PRKD2: variants seen among roughly 807,000 people sequenced by gnomAD.
The protein encoded by PRKD2 is protein kinase D2, also known as serine/threonine-protein kinase D2.
A neutral mutation model predicts 86.0 loss-of-function variants in PRKD2; 22 were observed. The ratio of observed to expected loss-of-function variants is 0.26; its 90% CI spans 0.18 to 0.37. PRKD2 has a LOEUF of 0.37. Among genes scored for constraint, PRKD2 ranks in the 10% least tolerant of loss-of-function variants. The pLI, the probability that PRKD2 is intolerant of heterozygous loss-of-function variation, is 1.00. For synonymous variants in PRKD2, 509 were observed against 510.9 expected, an observed-to-expected ratio of 1.00 and a Z score of 0.05; for missense variants, 818 against 1,199.2, an observed-to-expected ratio of 0.68 and a Z score of 4.70.
chr19:46,678,485 G>A lies in PRKD2; in HGVS notation c.2249C>T (p.Pro750Leu). The A allele has an allele frequency of 6.2e-7, 1 of 1,614,248 alleles. No individual in the cohort carries two copies. Among genetic ancestry groups the A allele is most frequent in the Non-Finnish European group, 8.5e-7 (1 of 1,180,046 alleles). ...ATTGATGTCCTCATCCTCGTTGAAA[G>A]GGAAGGTGCCGCTGAGGCTGACGTA... ...IMYVSLSGTF[P>L]FNEDEDINDQ... Residue 750 changes from proline to leucine, a missense_variant, in exon 16 of 18, where the codon CCT becomes CTT. This residue lies in a region of PRKD2 where 154 missense variants were observed against 359.6 expected (regional missense o/e 0.43). Transcript: ENST00000291281. The surrounding 1 kb of genome is among the most constrained non-coding windows in gnomAD (Gnocchi z 5.7).
chr19:46,714,430 G>T, intron 1 of PRKD2: 1 of 461,330 alleles, frequency 2.2e-6, no homozygotes, highest in Non-Finnish European at 2.9e-6. Flanking sequence ...GCCCAGCACT[G>T]GGGTGGGGCG....
intron 3 of PRKD2, 68 bp downstream of exon 3, chr19:46,710,839 G>T: frequency 6.8e-7 from 1 of 1,467,208 alleles, no homozygotes; most frequent in Non-Finnish European, 9.1e-7. Context: ...CCCGTGCCAG[G>T]ACCATTACGC....
At chr19:46,692,030 G>C (rs1180836298) in intron 10 of PRKD2, 45 bp from the exon 11 acceptor site, 1 of 1,579,934 alleles carries the variant, frequency 6.3e-7, no homozygotes, top group Admixed American at 1.7e-5. Context: ...CCAGGCTCAG[G>C]ATTATCTCCA....
In PRKD2 at chr19:46,716,318, C is replaced by G; in HGVS notation, c.53G>C (p.Gly18Ala). Residue 18 changes from glycine to alanine, a missense_variant, in exon 1 of 18, where the codon GGG (glycine) becomes GCG (alanine). Physicochemically the swap from Gly to Ala is moderately conservative, Grantham distance 60. Around this residue, in one of 5 missense-constraint regions of PRKD2, gnomAD observed 403 missense variants for 518.6 expected, o/e 0.78. Transcript: ENST00000291281. The surrounding 1 kb of genome is among the most constrained non-coding windows in gnomAD (Gnocchi z 7.9). The stretch of plus-strand genomic sequence containing the variant: ...TAGGCCGCCGGGGGGCGGAGGAGAC[C>G]CCGGCCCGGGAGAGCCAGGGAGCCC... Reference protein sequence around the residue: ...PAGLPGSPGPGSPPPPGGLEL... With the variant: ...PAGLPGSPGPASPPPPGGLEL... 1 of 1,504,550 alleles carries G rather than the reference C, an allele frequency of 6.6e-7. No homozygotes were observed. The highest frequency in any genetic ancestry group is 8.9e-7 in the Non-Finnish European group (1 of 1,128,894). The allele number at this position is 1,504,550 out of a possible 1,614,324, so 93.2% of individuals were successfully genotyped here.
rs750316895 is a variant in PRKD2 at position 46,678,374 on chromosome 19, G to A, written c.2338+22C>T. Reference sequence around the variant, plus strand: ...CCCACCCCACAACCCACCCGCCCATGGGGTAGGCGGGCCCCAGGCACCTCC... The same window carrying A: ...CCCACCCCACAACCCACCCGCCCATAGGGTAGGCGGGCCCCAGGCACCTCC... On this transcript the variant is annotated intron_variant, in intron 16 of 17. Transcript: ENST00000291281. The surrounding 1 kb of genome is among the most constrained non-coding windows in gnomAD (Gnocchi z 5.7). The A allele has an allele frequency of 6.2e-7, 1 of 1,612,696 alleles. No individual in the cohort carries two copies. The highest frequency in any genetic ancestry group is 1.1e-5 in the South Asian group (1 of 90,894).
In PRKD2 at chr19:46,709,828, A is replaced by C. The variant is rs115806858; in HGVS notation, c.511+1079T>G. On this transcript the variant is annotated intron_variant, in intron 3 of 17. Coordinates refer to ENST00000291281, the MANE Select transcript of PRKD2 (RefSeq NM_016457.5). Reference sequence around the variant, plus strand: ...AATTCCACCTGTGGACATCAGCTTCAGCTTGTGCCTGAGTTCCCACTTGCC... The same window carrying C: ...AATTCCACCTGTGGACATCAGCTTCCGCTTGTGCCTGAGTTCCCACTTGCC... Among the ~76,000 whole-genome samples the C allele has an allele frequency of 7.4e-3, 1,134 of 152,326 alleles. 10 individuals carry two copies. The highest frequency in any genetic ancestry group is 0.026 in the African/African-American group (1,094 of 41,568).
rs1182248226 is a variant in PRKD2 at position 46,710,986 on chromosome 19, G to A, written c.432C>T (p.His144=). 7 of 1,578,866 alleles carry A rather than the reference G, an allele frequency of 4.4e-6. No homozygotes were observed. The highest frequency in any genetic ancestry group is 1.2e-5 in the South Asian group (1 of 86,136). Residue 144 remains histidine, a synonymous_variant, in exon 3 of 18, where the codon CAC becomes CAT. Coordinates refer to ENST00000291281, the MANE Select transcript of PRKD2 (RefSeq NM_016457.5). ...CACAGAAGGCAGGCGCCCGATAGGA[G>A]TGCACCGTGAGGGCGTGCGGGCGGA... ...FQIRPHALTV[H]SYRAPAFCDH...
intron 2 of PRKD2, among the ~76,000 whole-genome samples, chr19:46,712,681 T>C (rs2053825837): frequency 1.3e-5 from 2 of 152,198 alleles, no homozygotes; most frequent in Admixed American, 1.3e-4. Flanking sequence ...TCACTAAAGG[T>C]GTAAATCCAG....
intron 3 of PRKD2, chr19:46,710,434 T>C: frequency 6.5e-6 from 1 of 154,338 alleles, no homozygotes; most frequent in Non-Finnish European, 1.4e-5. Flanking sequence ...GTGATCCACC[T>C]ACCTTTGCCT....
rs1402306784 is a variant in PRKD2 at position 46,678,867 on chromosome 19, A to C, written c.2071-204T>G. On this transcript the variant is annotated intron_variant, in intron 15 of 17. Transcript: ENST00000291281. This position sits in a 1 kb window ranked among gnomAD's most constrained non-coding sequence, Gnocchi z 5.7. ...TTTCCCCATCTATAGGAAGAAGAGC[A>C]GAAGAGCACCTATCTCAGAGGACTG... Among the ~76,000 whole-genome samples, 1 of 152,180 alleles carries C rather than the reference A, an allele frequency of 6.6e-6. No individual in the cohort carries two copies. The highest frequency in any genetic ancestry group is 1.5e-5 in the Non-Finnish European group (1 of 68,040).
At chr19:46,681,779 G>C in intron 14 of PRKD2, 31 bp from the exon 15 acceptor site, 2 of 1,438,566 alleles carry the variant, frequency 1.4e-6, no homozygotes, top group Middle Eastern at 3.7e-4. Context: ...CAGTAAGAAA[G>C]GTAGATAGGT....
chr19:46,710,872 GC>G, intron 3 of PRKD2, 34 bp downstream of exon 3: 2 of 508,292 alleles, frequency 3.9e-6, no homozygotes, highest in South Asian at 1.8e-5. Context: ...GCAGAGCCCC[GC>G]CCCAGGCCCC....
At position 46,716,252 on chromosome 19, in the gene PRKD2, G is replaced by A; in HGVS notation, c.119C>T (p.Ala40Val). The change falls in exon 1 of 18, where the codon GCC (alanine) becomes GTC (valine). Residue 40 changes from alanine to valine, a missense_variant. Coordinates refer to ENST00000291281, the MANE Select transcript of PRKD2 (RefSeq NM_016457.5). This position sits in a 1 kb window ranked among gnomAD's most constrained non-coding sequence, Gnocchi z 7.9. ...GTGAAAGGAGACCCCGGAACCCGGGGCCGGGATCTGGGGCAGTAGCGGTGG... is the reference window on the plus strand; with the variant it reads ...GTGAAAGGAGACCCCGGAACCCGGGACCGGGATCTGGGGCAGTAGCGGTGG... ...SPPPLLPQIP[A>V]PGSGVSFHIQ... 1 of 1,603,304 alleles carries A rather than the reference G, an allele frequency of 6.2e-7. No individual in the cohort carries two copies. The highest frequency in any genetic ancestry group is 8.5e-7 in the Non-Finnish European group (1 of 1,175,586).
intron 16 of PRKD2, among the ~76,000 whole-genome samples, chr19:46,676,552 C>A (rs755065569): frequency 1.3e-5 from 2 of 152,220 alleles, no homozygotes; most frequent in East Asian, 3.9e-4. Context: ...TCAAGACAAG[C>A]CAGCACTCAT....
intron 14 of PRKD2, among the ~76,000 whole-genome samples, chr19:46,682,075 C>T (rs989211926): frequency 5.3e-5 from 8 of 151,848 alleles, no homozygotes; most frequent in Non-Finnish European, 1.0e-4. Context: ...GGCACGATCT[C>T]GGCTCACTGC....
chr19:46,690,817 T>C (rs1212428687), intron 12 of PRKD2, 111 bp from the exon 13 acceptor site: 7 of 948,748 alleles, frequency 7.4e-6, no homozygotes, highest in African/African-American at 6.4e-5. Context: ...ACAGCCAGAG[T>C]TGGGCAGAGT....
At position 46,716,079 on chromosome 19, in the gene PRKD2, C is replaced by G; in HGVS notation, c.240+52G>C. The G allele has an allele frequency of 6.3e-7, 1 of 1,594,232 alleles. No individual in the cohort carries two copies. Among genetic ancestry groups the G allele is most frequent in the South Asian group, 1.1e-5 (1 of 89,294 alleles). On this transcript the variant is annotated intron_variant, in intron 1 of 17. Coordinates refer to ENST00000291281, the MANE Select transcript of PRKD2 (RefSeq NM_016457.5). This position sits in a 1 kb window ranked among gnomAD's most constrained non-coding sequence, Gnocchi z 7.9. Reference sequence around the variant, plus strand: ...CAGGCCCCAGACCCCTCTGCCAGCGCCCCCTCCTTCAACCTCTCCCCGAGC... The same window carrying G: ...CAGGCCCCAGACCCCTCTGCCAGCGGCCCCTCCTTCAACCTCTCCCCGAGC...
intron 3 of PRKD2, among the ~76,000 whole-genome samples, chr19:46,707,668 T>A (rs991775705): frequency 1.3e-5 from 2 of 152,170 alleles, no homozygotes; most frequent in African/African-American, 4.8e-5. Flanking sequence ...TCATAGCCAA[T>A]GCAGGTACAT....
chr19:46,709,607 T>C (rs930260208), intron 3 of PRKD2, among the ~76,000 whole-genome samples: 2 of 152,096 alleles, frequency 1.3e-5, no homozygotes, highest in African/African-American at 4.8e-5. Context: ...GTGATTCACC[T>C]GCCTCGGCCT....
Sources: gnomAD v4.1 joint callset for allele counts (sites outside exome capture counted in the v4.1 genomes callset) on GRCh38, gnomAD v4.1.1 for gene constraint, gnomAD v4.1.1 regional missense constraint, Gnocchi (gnomAD v3.1) non-coding constraint, MANE v1.5 for transcripts, NCBI Gene and HGNC (gene_info 2026-07-23, HGNC 2026-07-21) for gene names.